CTNNAL1: variants seen among roughly 807,000 people sequenced by gnomAD.
The protein encoded by CTNNAL1 is catenin alpha like 1.
In CTNNAL1, 69 loss-of-function variants were observed where a neutral mutation model predicts 93.6. The ratio of observed to expected loss-of-function variants is 0.74; its 90% confidence interval spans 0.61 to 0.90. The LOEUF (loss-of-function observed/expected upper bound fraction) is 0.90. Among genes scored for constraint, CTNNAL1 ranks in the 40% least tolerant of loss-of-function variants. CTNNAL1 has a pLI of 0.00. For missense variants in CTNNAL1, 836 were observed against 862.0 expected, an observed-to-expected ratio of 0.97 and a Z score of 0.38; for synonymous variants, 286 against 305.4, an observed-to-expected ratio of 0.94 and a Z score of 0.66.
rs780842030 is a variant in CTNNAL1 at position 108,990,747 on chromosome 9, A to C, written c.618T>G (p.His206Gln). 2 of 1,613,422 alleles carry C rather than the reference A, an allele frequency of 1.2e-6. No individual in the cohort carries two copies. The highest frequency in any genetic ancestry group is 3.3e-5 in the Admixed American group (2 of 59,888). ...ATACATTTTGTCTATCTCCACTCAG[A>C]TGTGCAAACTCCACCATTTCATTTC... ...QFGNEMVEFA[H>Q]LSGDRQNDLK... is the part of the protein sequence containing the mutation. The change falls in exon 4 of 19, where the codon CAT becomes CAG. Residue 206 changes from histidine (H) to glutamine (Q), a missense_variant. Coordinates refer to ENST00000325551, the MANE Select transcript of CTNNAL1 (RefSeq NM_003798.4).
At chr9:109,005,445 G>A (rs1587995808) in intron 1 of CTNNAL1, among the ~76,000 whole-genome samples, 1 of 152,082 alleles carries the variant, frequency 6.6e-6, no homozygotes, top group Non-Finnish European at 1.5e-5. Context: ...GGTATTAGGA[G>A]GTGGGGCCTT....
intron 15 of CTNNAL1, among the ~76,000 whole-genome samples, chr9:108,946,804 T>G (rs1830416381): frequency 6.6e-6 from 1 of 152,172 alleles, no homozygotes; most frequent in Non-Finnish European, 1.5e-5. Flanking sequence ...TGGAGACAAT[T>G]CATTGAACAT....
At chr9:108,994,967 A>T (rs954406037) in intron 2 of CTNNAL1, among the ~76,000 whole-genome samples, 2 of 152,176 alleles carry the variant, frequency 1.3e-5, no homozygotes, top group African/African-American at 4.8e-5. Flanking sequence ...CTGGAAGCAG[A>T]CCTGCAGTGC....
chr9:108,964,296 ATGAG>A (rs1830895848), intron 11 of CTNNAL1, among the ~76,000 whole-genome samples: 3 of 152,190 alleles, frequency 2.0e-5, no homozygotes, highest in Admixed American at 1.3e-4. Context: ...TTTATCCTAA[ATGAG>A]TATTTTTAAA....
At chr9:108,954,844 T>C (rs1830652022) in intron 12 of CTNNAL1, among the ~76,000 whole-genome samples, 1 of 152,200 alleles carries the variant, frequency 6.6e-6, no homozygotes, top group Non-Finnish European at 1.5e-5. Context: ...GCATTCCCAC[T>C]ATCATTTCTA....
chr9:109,011,925 C>T (rs915259225), intron 1 of CTNNAL1, among the ~76,000 whole-genome samples: 6 of 152,232 alleles, frequency 3.9e-5, no homozygotes, highest in Non-Finnish European at 7.3e-5. Flanking sequence ...CTCCATCACT[C>T]TCTTATCTCT....
Position 108,943,859 on chromosome 9 carries a change from T to G in CTNNAL1, c.1942-43A>C, listed in dbSNP as rs370231485. The stretch of plus-strand genomic sequence containing the variant: ...AAGTTATAACAGCCCGCAACAAAAC[T>G]CCATCTTTAATACCTTAAACACATT... On this transcript the variant is annotated intron_variant, in intron 16 of 18. Coordinates refer to ENST00000325551, the MANE Select transcript of CTNNAL1 (RefSeq NM_003798.4). The G allele has an allele frequency of 2.5e-5, 40 of 1,605,702 alleles. No homozygotes were observed. The African/African-American group carries it at 4.2e-4, about 17-fold the overall frequency.
At chr9:108,976,939 G>T in intron 8 of CTNNAL1, 23 bp downstream of exon 8, 1 of 1,020,908 alleles carries the variant, frequency 9.8e-7, no homozygotes, top group Non-Finnish European at 1.4e-6. Flanking sequence ...ATTAGAAGAG[G>T]CTAAATTTCA....
intron 6 of CTNNAL1, among the ~76,000 whole-genome samples, chr9:108,980,126 C>T (rs931394191): frequency 6.6e-6 from 1 of 152,182 alleles, no homozygotes; most frequent in Non-Finnish European, 1.5e-5. Flanking sequence ...GAGAATCAAG[C>T]CCAAACGTCT....
intron 14 of CTNNAL1, chr9:108,950,812 T>C (rs1830540199): frequency 3.6e-6 from 2 of 557,358 alleles, no homozygotes; most frequent in South Asian, 2.6e-5. Context: ...ATGTGTTTTA[T>C]AGAGATACAT....
At position 108,965,397 on chromosome 9, in the gene CTNNAL1, G is replaced by A. The variant is rs147984130; in HGVS notation, c.1572C>T (p.Asp524=). 80 of 1,495,020 alleles carry A rather than the reference G, an allele frequency of 5.4e-5. No homozygotes were observed. The highest frequency in any genetic ancestry group is 5.0e-4 in the African/African-American group (35 of 70,472). 92.6% of individuals were successfully genotyped at this position (1,495,020 alleles called of 1,614,324 possible). ...DMSTLLREIN[D]VFEGRRGEKY... is the part of the protein sequence containing the mutation. ...TCTCACCTCGTCTTCCTTCAAACAC[G>A]TCATTGATTTCTCTCAGCAGTGTTG... is the stretch of plus-strand genomic sequence containing the variant. The change falls in exon 11 of 19, where the codon GAC becomes GAT. Residue 524 remains aspartate, a synonymous_variant. Coordinates refer to ENST00000325551, the MANE Select transcript of CTNNAL1 (RefSeq NM_003798.4).
At chr9:108,946,171 C>A (rs1260336167) in intron 15 of CTNNAL1, among the ~76,000 whole-genome samples, 1 of 151,868 alleles carries the variant, frequency 6.6e-6, no homozygotes, top group African/African-American at 2.4e-5. Context: ...TGGTAGCGCA[C>A]ACCTGTAGTC....
At chr9:108,972,864 G>GGGGGGGGGCCC in intron 8 of CTNNAL1, 31 bp from the exon 9 acceptor site, 17 of 142,508 alleles carry the variant, frequency 1.2e-4, no homozygotes, top group South Asian at 2.4e-4. Context: ...GGGGGGGTGG[G>GGGGGGGGGCCC]AGGGTGGAGA....
chr9:108,945,646 TTG>T (rs1435525433), intron 15 of CTNNAL1, among the ~76,000 whole-genome samples: 4 of 148,650 alleles, frequency 2.7e-5, no homozygotes, highest in Non-Finnish European at 4.4e-5. Flanking sequence ...TTTTTTTGTT[TTG>T]TTTTTTTGTA....
rs1172236683 is a variant in CTNNAL1 at position 108,983,242 on chromosome 9, G to T, written c.803C>A (p.Ala268Glu). Residue 268 changes from alanine (A) to glutamate (E), a missense_variant, in exon 6 of 19, where the codon GCA (alanine) becomes GAA (glutamate). Transcript: ENST00000325551. Reference sequence around the variant, plus strand: ...CACAATTTCAATGACCTTATCCAATGCCACTTTCATACGGTCAAATACTCC... The same window carrying T: ...CACAATTTCAATGACCTTATCCAATTCCACTTTCATACGGTCAAATACTCC... The part of the protein sequence containing the change: ...KEGVFDRMKV[A>E]LDKVIEIVTD... 1.9e-6 allele frequency: 3 copies of T among 1,597,260 alleles called. No homozygotes were observed. Among genetic ancestry groups the T allele is most frequent in the Non-Finnish European group, 2.6e-6 (3 of 1,171,546 alleles).
At chr9:108,978,560 T>C (rs988687787) in intron 7 of CTNNAL1, among the ~76,000 whole-genome samples, 2 of 152,196 alleles carry the variant, frequency 1.3e-5, no homozygotes, top group Non-Finnish European at 2.9e-5. Flanking sequence ...GCTAGAGACA[T>C]GTCCCAGGGC....
chr9:109,011,747 G>C (rs858151), intron 1 of CTNNAL1, among the ~76,000 whole-genome samples: 142,072 of 152,320 alleles, frequency 0.93, 66,341 homozygotes, highest in East Asian at 1. Context: ...TTTAACCTCA[G>C]TATTCCTCAG....
At position 108,969,264 on chromosome 9, in the gene CTNNAL1, C is replaced by T. The variant is rs575015987; in HGVS notation, c.1440+1138G>A. On this transcript the variant is annotated intron_variant, in intron 10 of 18. Transcript: ENST00000325551. ...CAGCCTGGGCGACAGAGCTAGACTC[C>T]GTCTCAAAAAAAAAAAAAGGAGGAA... is the stretch of plus-strand genomic sequence containing the variant. 1.8e-4 allele frequency among the ~76,000 whole-genome samples: 26 copies of T among 146,784 alleles called. No homozygotes were observed. In the South Asian group the frequency reaches 3.8e-3, roughly 22 times the overall value.
At chr9:109,005,313 TG>T (rs1042634498) in intron 1 of CTNNAL1, among the ~76,000 whole-genome samples, 3 of 152,156 alleles carry the variant, frequency 2.0e-5, no homozygotes, top group African/African-American at 7.2e-5. Flanking sequence ...GCTACCATCT[TG>T]GAAGAGACTG....
Sources: gnomAD v4.1 joint callset for allele counts (sites outside exome capture counted in the v4.1 genomes callset) on GRCh38, gnomAD v4.1.1 for gene constraint, MANE v1.5 for transcripts, NCBI Gene and HGNC (gene_info 2026-07-23, HGNC 2026-07-21) for gene names.